PDZRN3: variants seen among roughly 807,000 people sequenced by gnomAD.
PDZRN3 encodes E3 ubiquitin-protein ligase PDZRN3.
In PDZRN3, 38 loss-of-function variants were observed where a neutral mutation model predicts 85.7. That is an observed-to-expected ratio of 0.44 (90% confidence interval 0.34 to 0.58). PDZRN3 has a LOEUF of 0.58. Among genes scored for constraint, PDZRN3 ranks in the 20% least tolerant of loss-of-function variants. The probability of loss-of-function intolerance (pLI) is 0.01; values close to 1 mark genes in which losing one functional copy is unlikely to be tolerated. For missense variants in PDZRN3, 1,629 were observed against 1,506.4 expected (o/e 1.08, Z -1.35); for synonymous variants, 759 against 638.0 (o/e 1.19, Z -2.86).
intron 3 of PDZRN3, among the ~76,000 whole-genome samples, chr3:73,462,723 A>C (rs1187607107): frequency 2.6e-5 from 4 of 152,126 alleles, no homozygotes. Flanking sequence ...GAAGGGGGTT[A>C]TCCTCATTCT....
chr3:73,481,492 G>A (rs1029404693), intron 3 of PDZRN3, among the ~76,000 whole-genome samples: 1 of 150,962 alleles, frequency 6.6e-6, no homozygotes, highest in Admixed American at 6.6e-5. Flanking sequence ...CTTCATGGCT[G>A]GCTAATTTTG....
rs145587478 is a variant in PDZRN3, at chr3:73,608,619, A to T, written c.789T>A (p.Ile263=). The T allele has an allele frequency of 1.2e-6, 2 of 1,612,004 alleles. No homozygotes were observed. The highest frequency in any genetic ancestry group is 1.7e-6 in the Non-Finnish European group (2 of 1,178,346). ...ATACCACACTCGGCCGGCCACCAAT[A>T]ATATTGAATCCCAGGGAGCCGGAGT... is the stretch of plus-strand genomic sequence containing the variant. ...HRDSGSLGFN[I]IGGRPSVDNH... Residue 263 remains isoleucine (I), a synonymous_variant, in exon 2 of 10, where the codon ATT becomes ATA. Transcript: ENST00000263666.
At chr3:73,406,930 T>A (rs115918098) in intron 3 of PDZRN3, among the ~76,000 whole-genome samples, 1,640 of 152,330 alleles carry the variant, frequency 0.011, 18 homozygotes, top group African/African-American at 0.037. Context: ...GCAGGCAATG[T>A]CAGCTGCCTG....
intron 3 of PDZRN3, among the ~76,000 whole-genome samples, chr3:73,581,580 C>T (rs1447034652): frequency 2.6e-5 from 4 of 152,178 alleles, no homozygotes; most frequent in Non-Finnish European, 4.4e-5. Flanking sequence ...GACATTATTA[C>T]AGTACTGCTT....
At chr3:73,457,839 C>G (rs1416386838) in intron 3 of PDZRN3, among the ~76,000 whole-genome samples, 1 of 152,156 alleles carries the variant, frequency 6.6e-6, no homozygotes. Context: ...CACCTATAAA[C>G]CAGGAAATGG....
intron 3 of PDZRN3, among the ~76,000 whole-genome samples, chr3:73,435,353 G>A (rs1205930854): frequency 2.0e-5 from 3 of 152,136 alleles, no homozygotes; most frequent in African/African-American, 4.8e-5. Flanking sequence ...AAACTGGAAC[G>A]TGCCACCAGG....
At chr3:73,390,544 C>T (rs1701500033) in intron 6 of PDZRN3, among the ~76,000 whole-genome samples, 1 of 151,798 alleles carries the variant, frequency 6.6e-6, no homozygotes, top group South Asian at 2.1e-4. Context: ...AAGATCAAAA[C>T]AGCGTGCATC....
In PDZRN3 at chr3:73,389,826, C is replaced by T. The variant is rs762534324; in HGVS notation, c.1406G>A (p.Arg469His). Residue 469 changes from arginine (R) to histidine (H), a missense_variant, in exon 7 of 10, where the codon CGC becomes CAC. Physicochemically the swap from Arg to His is conservative, Grantham distance 29. Coordinates refer to ENST00000263666, the MANE Select transcript of PDZRN3 (RefSeq NM_015009.3). ...TGGAAGTGGACTTACCTGGATAATG[C>T]GGTCTCCTTCTCGGATGCGCCCATC... ...AKDGRIREGD[R>H]IIQINGIEVQ... 1.3e-5 allele frequency: 21 copies of T among 1,611,470 alleles called. No individual in the cohort carries two copies. The highest frequency in any genetic ancestry group is 3.3e-5 in the South Asian group (3 of 91,026).
At chr3:73,570,217 T>G (rs748247592) in intron 3 of PDZRN3, among the ~76,000 whole-genome samples, 3 of 152,144 alleles carry the variant, frequency 2.0e-5, no homozygotes, top group Non-Finnish European at 4.4e-5. Flanking sequence ...GTCTCAAATA[T>G]TTCTCAAATG....
intron 3 of PDZRN3, among the ~76,000 whole-genome samples, chr3:73,461,738 AT>A (rs1272117253): frequency 1.3e-5 from 2 of 152,218 alleles, no homozygotes; most frequent in African/African-American, 4.8e-5. Context: ...TCATGTGTAC[AT>A]AAAAAAAGTA....
In PDZRN3 at chr3:73,403,801, A is replaced by G. The variant is rs369713433; in HGVS notation, c.1166+347T>C. Among the ~76,000 whole-genome samples the G allele has an allele frequency of 1.8e-4, 28 of 152,272 alleles. No individual in the cohort carries two copies. The South Asian group carries it at 5.6e-3, about 30-fold the overall frequency. On this transcript the variant is annotated intron_variant, in intron 4 of 9. Coordinates refer to ENST00000263666, the MANE Select transcript of PDZRN3 (RefSeq NM_015009.3). ...ACACACACAACTTACTTTTTTGTCTATTTAAAAGAATGATCAACATTCCCT... is the reference window on the plus strand; with the variant it reads ...ACACACACAACTTACTTTTTTGTCTGTTTAAAAGAATGATCAACATTCCCT...
At chr3:73,580,606 AGAG>A (rs1469107761) in intron 3 of PDZRN3, among the ~76,000 whole-genome samples, 1 of 152,250 alleles carries the variant, frequency 6.6e-6, no homozygotes, top group Admixed American at 6.5e-5. Context: ...CTTGACATAA[AGAG>A]GAGAAGGCTG....
At chr3:73,591,725 G>A (rs1702359904) in intron 3 of PDZRN3, among the ~76,000 whole-genome samples, 1 of 152,170 alleles carries the variant, frequency 6.6e-6, no homozygotes, top group Non-Finnish European at 1.5e-5. Flanking sequence ...ACATTTTACA[G>A]AAGAAAGCAA....
intron 3 of PDZRN3, among the ~76,000 whole-genome samples, chr3:73,530,157 C>T (rs769341516): frequency 2.0e-5 from 3 of 152,182 alleles, no homozygotes; most frequent in Non-Finnish European, 4.4e-5. Context: ...TTTGGCCTCA[C>T]CACAGTGGTT....
At chr3:73,420,790 T>TC (rs1702184964) in intron 3 of PDZRN3, among the ~76,000 whole-genome samples, 1 of 152,098 alleles carries the variant, frequency 6.6e-6, no homozygotes, top group Non-Finnish European at 1.5e-5. Flanking sequence ...TAGAGTCATC[T>TC]CCCCATATCC....
chr3:73,416,432 C>T (rs771638919), intron 3 of PDZRN3, among the ~76,000 whole-genome samples: 3 of 151,804 alleles, frequency 2.0e-5, no homozygotes, highest in Admixed American at 6.6e-5. Flanking sequence ...TACTAGATCA[C>T]GCCATACCGA....
intron 3 of PDZRN3, among the ~76,000 whole-genome samples, chr3:73,540,555 C>T (rs905764213): frequency 3.9e-5 from 6 of 152,152 alleles, no homozygotes; most frequent in Non-Finnish European, 7.3e-5. Flanking sequence ...CCTCATGCTG[C>T]TGTTCTTGTG....
At chr3:73,606,362 G>C (rs1015193664) in intron 2 of PDZRN3, among the ~76,000 whole-genome samples, 3 of 152,216 alleles carry the variant, frequency 2.0e-5, no homozygotes, top group African/African-American at 7.2e-5. Flanking sequence ...ATGGGCTCAT[G>C]TTCTGAACCA....
intron 3 of PDZRN3, among the ~76,000 whole-genome samples, chr3:73,534,388 C>T (rs192265201): frequency 1.3e-5 from 2 of 152,202 alleles, no homozygotes; most frequent in East Asian, 1.9e-4. Context: ...GGTTAAATTC[C>T]GTCTCTCTTT....
Sources: gnomAD v4.1 joint callset for allele counts (sites outside exome capture counted in the v4.1 genomes callset) on GRCh38, gnomAD v4.1.1 for gene constraint, MANE v1.5 for transcripts, NCBI Gene and HGNC (gene_info 2026-07-23, HGNC 2026-07-21) for gene names.